TTC33: variants seen among roughly 807,000 people sequenced by gnomAD.
The protein encoded by TTC33 is tetratricopeptide repeat protein 33.
TTC33 carries 24 observed loss-of-function variants against 29.4 expected under a neutral mutation model. The observed-to-expected ratio is 0.82, with a 90% confidence interval of 0.59 to 1.15. TTC33 has a LOEUF of 1.15. Ranked by LOEUF, TTC33 falls within the 50% of genes most tolerant of loss-of-function variation. The probability of loss-of-function intolerance (pLI) is 0.00; values close to 1 mark genes in which losing one functional copy is unlikely to be tolerated. For missense variants in TTC33, 286 were observed against 310.4 expected, an observed-to-expected ratio of 0.92 and a Z score of 0.59; for synonymous variants, 107 against 100.3, an observed-to-expected ratio of 1.07 and a Z score of -0.40.
rs531433857 is a variant in TTC33 at position 40,712,859 on chromosome 5, C to G, written c.*3286G>C. 3.3e-5 allele frequency among the ~76,000 whole-genome samples: 5 copies of G among 152,228 alleles called. No individual in the cohort carries two copies. In the South Asian group the frequency reaches 1.0e-3, roughly 32 times the overall value. ...TGACCAAAGTAGTTCATATATAGTG[C>G]ACATTAGGGCATGATTCATGTTACA... On this transcript the variant is annotated 3_prime_UTR_variant, in exon 5 of 5. Transcript: ENST00000337702.
At position 40,715,988 on chromosome 5, in the gene TTC33, T is replaced by C. The variant is rs1217194355; in HGVS notation, c.*157A>G. The C allele has an allele frequency of 1.4e-5, 8 of 590,234 alleles. No homozygotes were observed. Among genetic ancestry groups the C allele is most frequent in the Non-Finnish European group, 1.2e-5 (4 of 342,134 alleles). The allele number at this position is 590,234 out of a possible 1,614,324, so 36.6% of individuals were successfully genotyped here. ...TTATCAAAGCATATTCCAAACACTATACAATAATCCTGCCATTTTAGTTTT... is the reference window on the plus strand; with the variant it reads ...TTATCAAAGCATATTCCAAACACTACACAATAATCCTGCCATTTTAGTTTT... On this transcript the variant is annotated 3_prime_UTR_variant, in exon 5 of 5. Coordinates refer to ENST00000337702, the MANE Select transcript of TTC33 (RefSeq NM_012382.3).
Position 40,730,299 on chromosome 5 carries a change from G to T in TTC33, c.266C>A (p.Thr89Asn). Residue 89 changes from threonine to asparagine, a missense_variant, in exon 3 of 5, where the codon ACT (threonine) becomes AAT (asparagine). By Grantham distance (65) the Thr-to-Asn change is moderately conservative. Transcript: ENST00000337702. ...CTCGTATAGGGTAGCATCATTTGGA[G>T]TTAACTGTAGTGCTTCATCCCACTT... ...IQKWDEALQL[T>N]PNDATLYEMK... is the part of the protein sequence containing the mutation. 6.2e-7 allele frequency: 1 copy of T among 1,612,080 alleles called. No individual in the cohort carries two copies. Among genetic ancestry groups the T allele is most frequent in the Non-Finnish European group, 8.5e-7 (1 of 1,178,792 alleles).
At position 40,714,225 on chromosome 5, in the gene TTC33, G is replaced by T. The variant is rs1315968054; in HGVS notation, c.*1920C>A. Reference sequence around the variant, plus strand: ...TGGAATCAGAGACTTCTTACTTTCAGATAAGGAAAGGATTACAAAAAAAGT... The same window carrying T: ...TGGAATCAGAGACTTCTTACTTTCATATAAGGAAAGGATTACAAAAAAAGT... On this transcript the variant is annotated 3_prime_UTR_variant, in exon 5 of 5. Transcript: ENST00000337702. 1.3e-5 allele frequency among the ~76,000 whole-genome samples: 2 copies of T among 152,184 alleles called. No individual in the cohort carries two copies. The highest frequency in any genetic ancestry group is 4.8e-5 in the African/African-American group (2 of 41,530).
At chr5:40,753,413 A>G (rs1422457717) in intron 1 of TTC33, among the ~76,000 whole-genome samples, 1 of 152,134 alleles carries the variant, frequency 6.6e-6, no homozygotes, top group East Asian at 1.9e-4. Flanking sequence ...ACAGGCTGAT[A>G]ATATAAGTGA....
chr5:40,727,130 T>C (rs1487985869), intron 4 of TTC33, among the ~76,000 whole-genome samples: 2 of 152,190 alleles, frequency 1.3e-5, no homozygotes, highest in Admixed American at 6.5e-5. Context: ...GAAATAATGA[T>C]ACATTTATAA....
chr5:40,745,298 ATATGT>A (rs3838660), intron 2 of TTC33, among the ~76,000 whole-genome samples: 22,019 of 152,050 alleles, frequency 0.14, 1,678 homozygotes, highest in East Asian at 0.25. Flanking sequence ...TTGATAAAAG[ATATGT>A]TAGGTAAGAT....
At chr5:40,717,294 T>TAGG (rs1301324815) in intron 4 of TTC33, among the ~76,000 whole-genome samples, 1 of 149,876 alleles carries the variant, frequency 6.7e-6, no homozygotes, top group Non-Finnish European at 1.5e-5. Context: ...TCATATGAAG[T>TAGG]AGGTATGGTT....
chr5:40,745,747 A>G (rs1441520719), intron 2 of TTC33, among the ~76,000 whole-genome samples: 1 of 151,068 alleles, frequency 6.6e-6, no homozygotes, highest in Admixed American at 6.6e-5. Flanking sequence ...TTATTTGTTT[A>G]TTTATTTGAC....
chr5:40,736,898 C>G (rs1579684041), intron 2 of TTC33, among the ~76,000 whole-genome samples: 2 of 152,040 alleles, frequency 1.3e-5, no homozygotes, highest in South Asian at 2.1e-4. Flanking sequence ...CTCACTATAC[C>G]ATCTCTATTA....
At chr5:40,737,330 T>C (rs546351212) in intron 2 of TTC33, among the ~76,000 whole-genome samples, 1 of 151,678 alleles carries the variant, frequency 6.6e-6, no homozygotes, top group African/African-American at 2.4e-5. Flanking sequence ...GGACTTCTGC[T>C]ACTATCCTAC....
chr5:40,754,710 C>T (rs1264589990), intron 1 of TTC33, among the ~76,000 whole-genome samples: 1 of 152,154 alleles, frequency 6.6e-6, no homozygotes, highest in Non-Finnish European at 1.5e-5. Flanking sequence ...CAAAGGATGC[C>T]ATGACATCAG....
At chr5:40,721,929 T>C (rs2111873217) in intron 4 of TTC33, among the ~76,000 whole-genome samples, 1 of 152,192 alleles carries the variant, frequency 6.6e-6, no homozygotes, top group South Asian at 2.1e-4. Flanking sequence ...ATATAAGAAA[T>C]AACTCAATAG....
intron 2 of TTC33, among the ~76,000 whole-genome samples, chr5:40,744,736 C>T (rs1010742876): frequency 1.3e-5 from 2 of 152,024 alleles, no homozygotes; most frequent in Non-Finnish European, 2.9e-5. Context: ...ATCAACAATT[C>T]TTATACTGTC....
chr5:40,753,849 C>CTAAA (rs1237825071), intron 1 of TTC33, among the ~76,000 whole-genome samples: 2 of 151,450 alleles, frequency 1.3e-5, no homozygotes, highest in Non-Finnish European at 2.9e-5. Context: ...CCTACTCATA[C>CTAAA]TAAAGGACAC....
At chr5:40,741,815 C>G (rs1259158811) in intron 2 of TTC33, among the ~76,000 whole-genome samples, 3 of 152,020 alleles carry the variant, frequency 2.0e-5, no homozygotes, top group Non-Finnish European at 4.4e-5. Flanking sequence ...ATGGTAAAAC[C>G]CCATCTCTAC....
intron 2 of TTC33, among the ~76,000 whole-genome samples, chr5:40,744,266 G>A (rs1256191274): frequency 1.3e-5 from 2 of 152,094 alleles, no homozygotes; most frequent in Non-Finnish European, 2.9e-5. Context: ...AGCTAGTTAA[G>A]TTAATTGATC....
At chr5:40,725,038 C>T (rs1742249033) in intron 4 of TTC33, among the ~76,000 whole-genome samples, 1 of 151,680 alleles carries the variant, frequency 6.6e-6, no homozygotes, top group African/African-American at 2.4e-5. Context: ...GTAGAGACGA[C>T]GTTTCACCAT....
At chr5:40,749,286 C>T (rs1184766288) in intron 1 of TTC33, among the ~76,000 whole-genome samples, 1 of 152,098 alleles carries the variant, frequency 6.6e-6, no homozygotes, top group Non-Finnish European at 1.5e-5. Context: ...TATAGATGGT[C>T]TTCAAGATAC....
chr5:40,741,340 T>C (rs1367631568), intron 2 of TTC33, among the ~76,000 whole-genome samples: 1 of 152,234 alleles, frequency 6.6e-6, no homozygotes, highest in Non-Finnish European at 1.5e-5. Context: ...TAAATATTTC[T>C]GGTGACCATC....
Sources: gnomAD v4.1 joint callset for allele counts (sites outside exome capture counted in the v4.1 genomes callset) on GRCh38, gnomAD v4.1.1 for gene constraint, MANE v1.5 for transcripts, NCBI Gene and HGNC (gene_info 2026-07-23, HGNC 2026-07-21) for gene names.